Variants in PTPRD observed in about 807,000 individuals in gnomAD.
PTPRD encodes protein tyrosine phosphatase receptor type D.
Under a neutral mutation model 214.5 loss-of-function variants are expected in PTPRD, and 34 were observed. The observed-to-expected ratio is 0.16, with a 90% confidence interval of 0.12 to 0.21. PTPRD has a LOEUF of 0.21. PTPRD is among the 10% of genes least tolerant of loss of function. The pLI, the probability that PTPRD is intolerant of heterozygous loss-of-function variation, is 1.00. For synonymous variants in PTPRD, 1,128 were observed against 845.7 expected (o/e 1.33, Z -5.79); for missense variants, 2,545 against 2,398.7 (o/e 1.06, Z -1.27).
chr9:8,937,427 G>A (rs2099005062), intron 11 of PTPRD, among the ~76,000 whole-genome samples: 1 of 152,122 alleles, frequency 6.6e-6, no homozygotes, highest in African/African-American at 2.4e-5. Context: ...CCTATAATCT[G>A]CATTCATAAG....
chr9:9,913,683 A>G (rs2079870141), intron 5 of PTPRD, among the ~76,000 whole-genome samples: 1 of 152,124 alleles, frequency 6.6e-6, no homozygotes, highest in African/African-American at 2.4e-5. Context: ...AGAACCCCAC[A>G]AGCCCCATTG....
chr9:8,796,673 A>G (rs572745044), intron 11 of PTPRD, among the ~76,000 whole-genome samples: 1 of 152,158 alleles, frequency 6.6e-6, no homozygotes, highest in Non-Finnish European at 1.5e-5. Flanking sequence ...TTTGAAAATG[A>G]GTACAATTTC....
At chr9:9,380,700 G>T (rs555521834) in intron 9 of PTPRD, among the ~76,000 whole-genome samples, 4 of 152,242 alleles carry the variant, frequency 2.6e-5, no homozygotes, top group African/African-American at 9.6e-5. Context: ...ATATCCAATT[G>T]ATGGATAGCG....
intron 10 of PTPRD, among the ~76,000 whole-genome samples, chr9:9,137,496 T>C (rs997018123): frequency 2.0e-5 from 3 of 152,142 alleles, no homozygotes; most frequent in Admixed American, 6.6e-5. Context: ...TGAAGAGATA[T>C]ATAACCCCCC....
intron 10 of PTPRD, among the ~76,000 whole-genome samples, chr9:9,038,448 C>G (rs13294068): frequency 0.12 from 18,953 of 151,858 alleles, 1,489 homozygotes; most frequent in East Asian, 0.37. Flanking sequence ...AACATGTACA[C>G]GAACATGTAT....
chr9:8,474,018 C>A (rs764914943), intron 30 of PTPRD, among the ~76,000 whole-genome samples: 2 of 152,278 alleles, frequency 1.3e-5, no homozygotes, highest in East Asian at 3.9e-4. Context: ...TTGCCTTACC[C>A]GCAACCTGTC....
chr9:8,683,451 G>A (rs571773835), intron 12 of PTPRD, among the ~76,000 whole-genome samples: 1 of 151,412 alleles, frequency 6.6e-6, no homozygotes, highest in African/African-American at 2.4e-5. Flanking sequence ...GAGGACATCA[G>A]TTGTTTGCAA....
At chr9:9,000,151 T>A (rs1330915135) in intron 11 of PTPRD, among the ~76,000 whole-genome samples, 1 of 152,036 alleles carries the variant, frequency 6.6e-6, no homozygotes, top group Non-Finnish European at 1.5e-5. Context: ...GATAATTTCA[T>A]TGATTGCTTT....
intron 2 of PTPRD, among the ~76,000 whole-genome samples, chr9:10,588,140 A>C (rs1314954648): frequency 6.6e-6 from 1 of 152,020 alleles, no homozygotes; most frequent in Non-Finnish European, 1.5e-5. Flanking sequence ...CATAATAATA[A>C]CTTGTCAGAC....
chr9:9,244,251 A>C lies in PTPRD; in HGVS notation c.-202-60888T>G, dbSNP rs543579639. On this transcript the variant is annotated intron_variant, in intron 9 of 45. Transcript: ENST00000381196. ...GATTCAATGCCATCCCCATCTAGCT[A>C]CCAATGACTTTCTTCACAGAATTGG... Among the ~76,000 whole-genome samples, 3 of 152,224 alleles carry C rather than the reference A, an allele frequency of 2.0e-5. No homozygotes were observed. In the East Asian group the frequency reaches 5.8e-4, roughly 30 times the overall value.
chr9:10,123,843 C>T (rs1216130292), intron 3 of PTPRD, among the ~76,000 whole-genome samples: 2 of 152,142 alleles, frequency 1.3e-5, no homozygotes, highest in Non-Finnish European at 2.9e-5. Flanking sequence ...TGGAGAGTAA[C>T]TTTCTGTGGA....
intron 11 of PTPRD, among the ~76,000 whole-genome samples, chr9:8,771,976 A>T (rs2095244686): frequency 1.3e-5 from 2 of 152,104 alleles, no homozygotes; most frequent in African/African-American, 4.8e-5. Context: ...AATAATTACT[A>T]AAAAAAGAAT....
chr9:8,841,968 C>G (rs2097567508), intron 11 of PTPRD, among the ~76,000 whole-genome samples: 1 of 151,124 alleles, frequency 6.6e-6, no homozygotes, highest in South Asian at 2.1e-4. Context: ...CAGAGATGGC[C>G]CCACTGCACT....
chr9:9,530,835 T>A (rs1432816331), intron 8 of PTPRD, among the ~76,000 whole-genome samples: 5 of 152,044 alleles, frequency 3.3e-5, no homozygotes, highest in Admixed American at 3.3e-4. Flanking sequence ...AAAATGCTGA[T>A]CTCAGGGAGG....
At chr9:8,926,497 T>A (rs1373260260) in intron 11 of PTPRD, among the ~76,000 whole-genome samples, 1 of 152,184 alleles carries the variant, frequency 6.6e-6, no homozygotes. Flanking sequence ...TATGTGACCC[T>A]GAACTCTAGA....
intron 3 of PTPRD, among the ~76,000 whole-genome samples, chr9:10,226,896 C>T (rs549246141): frequency 1.2e-3 from 183 of 152,036 alleles, no homozygotes; most frequent in Non-Finnish European, 1.5e-3. Context: ...ATAATATACT[C>T]CTTATTTTTC....
At chr9:9,984,258 T>A (rs921360023) in intron 4 of PTPRD, among the ~76,000 whole-genome samples, 4 of 152,144 alleles carry the variant, frequency 2.6e-5, no homozygotes, top group Admixed American at 2.0e-4. Flanking sequence ...GGACATTTAA[T>A]ACAAAAATTA....
intron 2 of PTPRD, among the ~76,000 whole-genome samples, chr9:10,387,394 T>C (rs896888017): frequency 4.6e-5 from 7 of 151,904 alleles, no homozygotes; most frequent in African/African-American, 1.7e-4. Context: ...GAAAAGGCTT[T>C]ACTGGGGAAA....
chr9:8,928,472 T>C (rs2098920189), intron 11 of PTPRD, among the ~76,000 whole-genome samples: 2 of 152,180 alleles, frequency 1.3e-5, no homozygotes, highest in Admixed American at 6.5e-5. Context: ...CCTTTCCCCA[T>C]TGCTTTTTTT....
Sources: gnomAD v4.1 joint callset for allele counts (sites outside exome capture counted in the v4.1 genomes callset) on GRCh38, gnomAD v4.1.1 for gene constraint, MANE v1.5 for transcripts, NCBI Gene and HGNC (gene_info 2026-07-23, HGNC 2026-07-21) for gene names.